Variants in SYNPO2 observed in about 807,000 individuals in gnomAD.
The protein encoded by SYNPO2 is synaptopodin-2.
SYNPO2 carries 56 observed loss-of-function variants against 85.0 expected under a neutral mutation model. The ratio of observed to expected loss-of-function variants is 0.66; its 90% CI spans 0.53 to 0.82. The LOEUF (loss-of-function observed/expected upper bound fraction) is 0.82, where lower values mean the gene tolerates loss of function less well. Among genes scored for constraint, SYNPO2 ranks in the 40% least tolerant of loss-of-function variants. The pLI is 0.00. For synonymous variants in SYNPO2, 602 were observed against 591.1 expected, an observed-to-expected ratio of 1.02 and a Z score of -0.27; for missense variants, 1,575 against 1,534.2, an observed-to-expected ratio of 1.03 and a Z score of -0.44.
At chr4:118,931,295 G>T (rs1733923707) in intron 1 of SYNPO2, among the ~76,000 whole-genome samples, 1 of 152,084 alleles carries the variant, frequency 6.6e-6, no homozygotes, top group African/African-American at 2.4e-5. Context: ...GGAGAGCTGG[G>T]ATGAGAACCT....
At chr4:118,980,231 T>C (rs1056835926) in intron 1 of SYNPO2, among the ~76,000 whole-genome samples, 1 of 152,220 alleles carries the variant, frequency 6.6e-6, no homozygotes, top group Non-Finnish European at 1.5e-5. Context: ...CTTTCTAATG[T>C]ATTTTTCTTT....
At chr4:118,890,629 A>G (rs1205070219) in intron 1 of SYNPO2, among the ~76,000 whole-genome samples, 1 of 146,946 alleles carries the variant, frequency 6.8e-6, no homozygotes, top group African/African-American at 2.5e-5. Context: ...TTTGGGTTCT[A>G]ATTCCAGCTC....
intron 4 of SYNPO2, chr4:119,034,302 G>T (rs1283046097): frequency 1.6e-5 from 16 of 984,720 alleles, no homozygotes; most frequent in Non-Finnish European, 1.9e-5. Context: ...CAGGTAGTCG[G>T]TTTGAGATCA....
At chr4:118,959,999 A>G (rs914354751) in intron 1 of SYNPO2, among the ~76,000 whole-genome samples, 13 of 152,224 alleles carry the variant, frequency 8.5e-5, no homozygotes, top group Non-Finnish European at 1.9e-4. Flanking sequence ...TGTAAGAGAC[A>G]CATAGGAAAG....
intron 1 of SYNPO2, among the ~76,000 whole-genome samples, chr4:118,917,790 A>G (rs1447890037): frequency 6.6e-6 from 1 of 152,314 alleles, no homozygotes; most frequent in Admixed American, 6.5e-5. Flanking sequence ...ATTTTTTATT[A>G]TGCCATGAGT....
At position 118,854,625 on chromosome 4, in the gene SYNPO2, C is replaced by G. The variant is rs188649773; in HGVS notation, c.12+3685C>G. On this transcript the variant is annotated intron_variant, in intron 1 of 4. Transcript: ENST00000610556. ...TGCTTCTGCAGCAATAAAATCAATA[C>G]GAATTTTAGTGAAACATCTTGTCAT... Among the ~76,000 whole-genome samples the G allele has an allele frequency of 4.6e-5, 7 of 152,146 alleles. 1 individual carries two copies. In the East Asian group the frequency reaches 1.4e-3, roughly 29 times the overall value.
At chr4:118,975,068 A>T (rs13102598) in intron 1 of SYNPO2, among the ~76,000 whole-genome samples, 3 of 151,910 alleles carry the variant, frequency 2.0e-5, no homozygotes, top group African/African-American at 7.3e-5. Flanking sequence ...CAGTAATCCA[A>T]CCTTACTTTC....
chr4:118,888,839 A>G (rs910174561), upstream of SYNPO2: 71 of 608,208 alleles, frequency 1.2e-4, no homozygotes, highest in Non-Finnish European at 1.9e-4. Context: ...CTCCTTGAGA[A>G]TGAGCCCATT....
At chr4:118,883,008 T>G (rs903754110) in intron 1 of SYNPO2, among the ~76,000 whole-genome samples, 19 of 151,316 alleles carry the variant, frequency 1.3e-4, no homozygotes, top group African/African-American at 4.4e-4. Context: ...TGATCCGCCC[T>G]CCTCGGCCTC....
At chr4:119,039,899 A>G (rs1298319988) in intron 4 of SYNPO2, among the ~76,000 whole-genome samples, 1 of 152,348 alleles carries the variant, frequency 6.6e-6, no homozygotes, top group East Asian at 1.9e-4. Flanking sequence ...GTAAACCTTG[A>G]GCCCACAAGA....
At position 119,058,198 on chromosome 4, in the gene SYNPO2, G is replaced by T; in HGVS notation, c.*264G>T. 4.1e-6 allele frequency: 1 copy of T among 244,848 alleles called. No individual in the cohort carries two copies. Among genetic ancestry groups the T allele is most frequent in the Non-Finnish European group, 7.9e-6 (1 of 127,036 alleles). 15.2% of individuals were successfully genotyped at this position (244,848 alleles called of 1,614,324 possible). ...TACTTGGAAGAAAATTTCACTATTTGCATTGATGTGCTGGCATTTATATGT... is the reference window on the plus strand; with the variant it reads ...TACTTGGAAGAAAATTTCACTATTTTCATTGATGTGCTGGCATTTATATGT... On this transcript the variant is annotated 3_prime_UTR_variant, in exon 5 of 5. Coordinates refer to ENST00000307142, the MANE Select transcript of SYNPO2 (RefSeq NM_133477.3).
In SYNPO2 at chr4:119,060,947, C is replaced by T. The variant is rs1411430896; in HGVS notation, c.*3013C>T. On this transcript the variant is annotated 3_prime_UTR_variant, in exon 5 of 5. Coordinates refer to ENST00000307142, the MANE Select transcript of SYNPO2 (RefSeq NM_133477.3). ...AATTATACACATTGGAAAGGGCCAA[C>T]CTATTAGGGCTCAAGTATGTATATG... 6.6e-6 allele frequency: 1 copy of T among 151,350 alleles called. No homozygotes were observed. The highest frequency in any genetic ancestry group is 1.5e-5 in the Non-Finnish European group (1 of 67,928). The allele number at this position is 151,350 out of a possible 1,614,324, so 9.4% of individuals were successfully genotyped here.
intron 1 of SYNPO2, among the ~76,000 whole-genome samples, chr4:118,998,057 G>C (rs898805245): frequency 6.6e-6 from 1 of 152,184 alleles, no homozygotes; most frequent in African/African-American, 2.4e-5. Flanking sequence ...GATTCTGACG[G>C]GGGTGGTAAG....
At chr4:118,851,180 A>G (rs1731414483) in intron 1 of SYNPO2, among the ~76,000 whole-genome samples, 2 of 152,192 alleles carry the variant, frequency 1.3e-5, no homozygotes, top group South Asian at 4.1e-4. Context: ...ACATTGTCCT[A>G]GTAACCCCAG....
At chr4:118,919,577 ATGTGACC>A (rs1733465534) in intron 1 of SYNPO2, among the ~76,000 whole-genome samples, 1 of 152,200 alleles carries the variant, frequency 6.6e-6, no homozygotes, top group Non-Finnish European at 1.5e-5. Flanking sequence ...GCAGTCAAAT[ATGTGACC>A]CAATTAGTGT....
chr4:118,932,784 CGTT>C (rs1189299181), intron 1 of SYNPO2, among the ~76,000 whole-genome samples: 4 of 152,172 alleles, frequency 2.6e-5, no homozygotes, highest in African/African-American at 9.7e-5. Flanking sequence ...TCATTGGGAT[CGTT>C]GTATTGAAAC....
At chr4:118,910,306 T>C (rs1162673655) in intron 1 of SYNPO2, among the ~76,000 whole-genome samples, 1 of 152,232 alleles carries the variant, frequency 6.6e-6, no homozygotes, top group Non-Finnish European at 1.5e-5. Flanking sequence ...ATGAGATCAG[T>C]CAACTTTGTT....
At position 119,016,989 on chromosome 4, in the gene SYNPO2, G is replaced by A. The variant is rs183832421; in HGVS notation, c.106-6441G>A. 3.3e-5 allele frequency among the ~76,000 whole-genome samples: 5 copies of A among 152,244 alleles called. No individual in the cohort carries two copies. The East Asian group carries it at 9.7e-4, about 29-fold the overall frequency. On this transcript the variant is annotated intron_variant, in intron 1 of 4. Coordinates refer to ENST00000307142, the MANE Select transcript of SYNPO2 (RefSeq NM_133477.3). Reference sequence around the variant, plus strand: ...TTACTTTTATGGTGACTTGGTCTCTGAGAGTAAAGACAATTATCCAAAAGA... The same window carrying A: ...TTACTTTTATGGTGACTTGGTCTCTAAGAGTAAAGACAATTATCCAAAAGA...
At chr4:118,888,232 G>A (rs1732243498), upstream of SYNPO2, among the ~76,000 whole-genome samples, 2 of 152,142 alleles carry the variant, frequency 1.3e-5, no homozygotes, top group Non-Finnish European at 2.9e-5. Flanking sequence ...TTATAAGAAT[G>A]TAGTTTCCAG....
Sources: gnomAD v4.1 joint callset for allele counts (sites outside exome capture counted in the v4.1 genomes callset) on GRCh38, gnomAD v4.1.1 for gene constraint, MANE v1.5 for transcripts, NCBI Gene and HGNC (gene_info 2026-07-23, HGNC 2026-07-21) for gene names.